SLC23A2: variants seen among roughly 807,000 people sequenced by gnomAD.
SLC23A2 encodes Na(+)/L-ascorbic acid transporter 2.
A neutral mutation model predicts 73.3 loss-of-function variants in SLC23A2; 36 were observed. The observed-to-expected ratio is 0.49, with a 90% CI of 0.38 to 0.65. The LOEUF (loss-of-function observed/expected upper bound fraction) is 0.65, where lower values mean the gene tolerates loss of function less well. SLC23A2 is among the 30% of genes least tolerant of loss of function. The pLI is 0.00. For synonymous variants in SLC23A2, 343 were observed against 327.3 expected (o/e 1.05, Z -0.52); for missense variants, 507 against 841.6 (o/e 0.60, Z 4.92).
intron 4 of SLC23A2, among the ~76,000 whole-genome samples, chr20:4,907,728 T>C (rs1260381306): frequency 6.6e-6 from 1 of 151,800 alleles, no homozygotes. Context: ...AAAAAGAATA[T>C]AGAAATTAAC....
intron 9 of SLC23A2, among the ~76,000 whole-genome samples, chr20:4,879,788 T>C (rs1930808895): frequency 6.6e-6 from 1 of 152,258 alleles, no homozygotes; most frequent in Non-Finnish European, 1.5e-5. Flanking sequence ...CATTATGCCT[T>C]GTTCTTTCAT....
At chr20:4,942,091 C>T (rs771113877) in intron 2 of SLC23A2, among the ~76,000 whole-genome samples, 38 of 152,154 alleles carry the variant, frequency 2.5e-4, no homozygotes, top group Non-Finnish European at 4.4e-4. Context: ...CCTTACTCCT[C>T]AGACTCAAGT....
At chr20:4,987,636 C>T (rs965174389) in intron 1 of SLC23A2, among the ~76,000 whole-genome samples, 2 of 151,748 alleles carry the variant, frequency 1.3e-5, no homozygotes, top group Non-Finnish European at 2.9e-5. Flanking sequence ...ATCACGAGGT[C>T]AGGAGATTGA....
At chr20:4,915,873 AG>A (rs1424547320) in intron 3 of SLC23A2, among the ~76,000 whole-genome samples, 1 of 152,152 alleles carries the variant, frequency 6.6e-6, no homozygotes, top group African/African-American at 2.4e-5. Context: ...GCTTGAATCC[AG>A]GAGGTGGAGG....
At chr20:4,858,004 C>CA (rs371885087) in intron 16 of SLC23A2, among the ~76,000 whole-genome samples, 2,278 of 150,990 alleles carry the variant, frequency 0.015, 49 homozygotes, top group African/African-American at 0.052. Context: ...AAATCTGAGT[C>CA]AAAAAAAAAC....
In SLC23A2 at chr20:4,868,002, AGCTGG is replaced by A. The variant is rs1186956341; in HGVS notation, c.1251-132_1251-128del. 6.4e-6 allele frequency: 2 copies of A among 312,528 alleles called. No homozygotes were observed. Among genetic ancestry groups the A allele is most frequent in the East Asian group, 5.7e-5 (1 of 17,624 alleles). 19.4% of individuals were successfully genotyped at this position (312,528 alleles called of 1,614,324 possible). A position where few individuals can be genotyped will look rare whatever the true frequency, so the allele number is the denominator to read the frequency against. ...GCCTGCAGCTTCCACATCTCCTGGGAGCTGGGAGGGCGATTAAAAATACAATCTCA... is the reference window on the plus strand; with the variant it reads ...GCCTGCAGCTTCCACATCTCCTGGGAGAGGGCGATTAAAAATACAATCTCA... On this transcript the variant is annotated intron_variant, in intron 12 of 16. Coordinates refer to ENST00000338244, the MANE Select transcript of SLC23A2 (RefSeq NM_005116.6). The surrounding 1 kb of genome is among the most constrained non-coding windows in gnomAD (Gnocchi z 4.4).
upstream of SLC23A2, among the ~76,000 whole-genome samples, chr20:5,002,620 G>A (rs890395904): frequency 1.3e-5 from 2 of 152,220 alleles, no homozygotes; most frequent in African/African-American, 4.8e-5. Context: ...ACATATTAAT[G>A]CAGTTGGGGG....
At chr20:4,894,380 A>G (rs1931442227) in intron 6 of SLC23A2, among the ~76,000 whole-genome samples, 2 of 152,204 alleles carry the variant, frequency 1.3e-5, no homozygotes, top group Admixed American at 6.5e-5. Context: ...ACAACCTCCA[A>G]TGCAAAAAGA....
At chr20:4,938,137 C>T (rs984160206) in intron 2 of SLC23A2, among the ~76,000 whole-genome samples, 1 of 150,226 alleles carries the variant, frequency 6.7e-6, no homozygotes, top group African/African-American at 2.5e-5. Context: ...CTCAGGTGAT[C>T]CTCCCACCTC....
upstream of SLC23A2, among the ~76,000 whole-genome samples, chr20:5,004,042 C>A (rs569785358): frequency 6.0e-4 from 92 of 152,182 alleles, no homozygotes; most frequent in Admixed American, 1.7e-3. Context: ...TCCTTTCTCC[C>A]CTGCCCTCTC....
intron 2 of SLC23A2, among the ~76,000 whole-genome samples, chr20:4,945,521 C>T (rs1206894632): frequency 6.6e-6 from 1 of 152,132 alleles, no homozygotes; most frequent in Non-Finnish European, 1.5e-5. Context: ...TGAGCTCAAG[C>T]AATCCTCCCG....
At position 4,884,757 on chromosome 20, in the gene SLC23A2, C is replaced by T. The variant is rs200887058; in HGVS notation, c.638G>A (p.Arg213Gln). Residue 213 changes from arginine (R) to glutamine (Q), a missense_variant, in exon 8 of 17, where the codon CGA (arginine) becomes CAA (glutamine). Coordinates refer to ENST00000338244, the MANE Select transcript of SLC23A2 (RefSeq NM_005116.6). ...HTEHIWYPRI[R>Q]EIQGAIIMSS... ...CAGACAACGCTTGTCTTTTACCTCT[C>T]GGATCCGGGGATACCAGATGTGTTC... The T allele has an allele frequency of 4.5e-5, 72 of 1,608,866 alleles. No homozygotes were observed. Among genetic ancestry groups the T allele is most frequent in the South Asian group, 2.8e-4 (25 of 90,684 alleles).
intron 1 of SLC23A2, among the ~76,000 whole-genome samples, chr20:4,983,369 G>A (rs2087757287): frequency 6.6e-6 from 1 of 151,994 alleles, no homozygotes; most frequent in African/African-American, 2.4e-5. Flanking sequence ...CAAGCAGGCT[G>A]GGCGCAGTGG....
At chr20:4,951,256 T>C (rs1478126135) in intron 2 of SLC23A2, among the ~76,000 whole-genome samples, 1 of 152,002 alleles carries the variant, frequency 6.6e-6, no homozygotes, top group African/African-American at 2.4e-5. Context: ...GACAATTATA[T>C]GGAGAAAATG....
chr20:4,987,897 G>C (rs989463408), intron 1 of SLC23A2, among the ~76,000 whole-genome samples: 1 of 150,640 alleles, frequency 6.6e-6, no homozygotes, highest in African/African-American at 2.4e-5. Context: ...GACACTTCTT[G>C]AATACCACTA....
chr20:4,913,992 A>C (rs770740002), intron 3 of SLC23A2, among the ~76,000 whole-genome samples: 2 of 152,034 alleles, frequency 1.3e-5, no homozygotes, highest in Non-Finnish European at 1.5e-5. Context: ...TACACAGAGT[A>C]ATATCAAGGA....
intron 1 of SLC23A2, among the ~76,000 whole-genome samples, chr20:4,978,618 C>T (rs1180502773): frequency 2.0e-5 from 3 of 152,212 alleles, no homozygotes; most frequent in Non-Finnish European, 4.4e-5. Context: ...GAAACAGAGT[C>T]TTATCCCCAG....
chr20:4,947,016 T>C lies in SLC23A2; in HGVS notation c.-154-14300A>G, dbSNP rs1301909106. On this transcript the variant is annotated intron_variant, in intron 2 of 16. Transcript: ENST00000338244. The surrounding 1 kb of genome is among the most constrained non-coding windows in gnomAD (Gnocchi z 4.4). Reference sequence around the variant, plus strand: ...AAGACCATCTTAAGCCTCGTCATCCTGGCCATTTCTCCTCAGTGCCAGGTG... The same window carrying C: ...AAGACCATCTTAAGCCTCGTCATCCCGGCCATTTCTCCTCAGTGCCAGGTG... 6.6e-6 allele frequency among the ~76,000 whole-genome samples: 1 copy of C among 152,234 alleles called. No individual in the cohort carries two copies. Among genetic ancestry groups the C allele is most frequent in the Non-Finnish European group, 1.5e-5 (1 of 68,040 alleles).
At chr20:4,986,090 C>T (rs995678056) in intron 1 of SLC23A2, among the ~76,000 whole-genome samples, 6 of 152,076 alleles carry the variant, frequency 3.9e-5, no homozygotes, top group African/African-American at 1.4e-4. Flanking sequence ...AAAGGCCTTA[C>T]TTAAAGGTCT....
Sources: gnomAD v4.1 joint callset for allele counts (sites outside exome capture counted in the v4.1 genomes callset) on GRCh38, gnomAD v4.1.1 for gene constraint, Gnocchi (gnomAD v3.1) non-coding constraint, MANE v1.5 for transcripts, NCBI Gene and HGNC (gene_info 2026-07-23, HGNC 2026-07-21) for gene names.